Variants in RYR3 observed in about 807,000 individuals in gnomAD.
RYR3 encodes the protein ryanodine receptor 3, also known as brain ryanodine receptor-calcium release channel.
In RYR3, 207 loss-of-function variants were observed where a neutral mutation model predicts 584.3. The observed-to-expected ratio is 0.35, with a 90% CI of 0.32 to 0.40. The LOEUF is 0.40. Ranked by LOEUF, RYR3 falls within the 10% of genes least tolerant of loss-of-function variation. The pLI, the probability that RYR3 is intolerant of heterozygous loss-of-function variation, is 1.00. For synonymous variants in RYR3, 2,416 were observed against 2,248.5 expected, an observed-to-expected ratio of 1.07 and a Z score of -2.11; for missense variants, 5,616 against 6,089.2, an observed-to-expected ratio of 0.92 and a Z score of 2.59.
At chr15:33,609,929 T>C (rs1440807077) in intron 18 of RYR3, among the ~76,000 whole-genome samples, 1 of 152,168 alleles carries the variant, frequency 6.6e-6, no homozygotes, top group African/African-American at 2.4e-5. Context: ...TCTTCAACTT[T>C]GGTTCAGTTT....
chr15:33,709,215 A>AC (rs1370749318), intron 43 of RYR3, among the ~76,000 whole-genome samples: 1 of 152,236 alleles, frequency 6.6e-6, no homozygotes, highest in Non-Finnish European at 1.5e-5. Flanking sequence ...GGGAGCAGAC[A>AC]TGGACAGAGA....
intron 1 of RYR3, among the ~76,000 whole-genome samples, chr15:33,419,884 C>T (rs965497951): frequency 6.6e-6 from 1 of 152,142 alleles, no homozygotes; most frequent in Non-Finnish European, 1.5e-5. Flanking sequence ...CAGGCATCTG[C>T]AGTACAAGGA....
At chr15:33,344,757 T>A (rs1010852694) in intron 1 of RYR3, among the ~76,000 whole-genome samples, 1 of 152,168 alleles carries the variant, frequency 6.6e-6, no homozygotes, top group African/African-American at 2.4e-5. Context: ...TAAAAATGAG[T>A]TATCACTGCT....
intron 27 of RYR3, among the ~76,000 whole-genome samples, chr15:33,637,355 A>G (rs959805899): frequency 5.9e-5 from 9 of 152,346 alleles, no homozygotes; most frequent in Non-Finnish European, 1.2e-4. Context: ...TTCTTCCCAG[A>G]TATAAAATTC....
chr15:33,515,869 TAACA>T (rs2053472422), intron 3 of RYR3, among the ~76,000 whole-genome samples: 2 of 152,250 alleles, frequency 1.3e-5, no homozygotes, highest in African/African-American at 2.4e-5. Context: ...TTAATGCTAT[TAACA>T]AACCTTAGTA....
At chr15:33,474,565 T>G (rs1053054223) in intron 2 of RYR3, among the ~76,000 whole-genome samples, 3 of 152,210 alleles carry the variant, frequency 2.0e-5, no homozygotes, top group Admixed American at 2.0e-4. Context: ...TAATTACATC[T>G]ACAAAATACC....
chr15:33,808,136 T>C (rs559423683), intron 70 of RYR3, among the ~76,000 whole-genome samples: 5 of 152,280 alleles, frequency 3.3e-5, no homozygotes, highest in Admixed American at 1.3e-4. Flanking sequence ...CTCTACACTA[T>C]GCAGTGAAGA....
intron 1 of RYR3, among the ~76,000 whole-genome samples, chr15:33,419,141 GA>G (rs1214342230): frequency 1.3e-5 from 2 of 152,134 alleles, no homozygotes; most frequent in Non-Finnish European, 2.9e-5. Context: ...AGGGAATAAT[GA>G]ATGGGAAAAG....
At chr15:33,746,907 C>T (rs2070780572) in intron 53 of RYR3, among the ~76,000 whole-genome samples, 1 of 149,266 alleles carries the variant, frequency 6.7e-6, no homozygotes, top group African/African-American at 2.5e-5. Context: ...CTTCCGGGCT[C>T]AAGTGATCCT....
intron 1 of RYR3, among the ~76,000 whole-genome samples, chr15:33,360,612 A>T (rs1050927808): frequency 6.6e-6 from 1 of 152,188 alleles, no homozygotes; most frequent in African/African-American, 2.4e-5. Flanking sequence ...GAAGACACAC[A>T]TTTTCATTTC....
At position 33,852,939 on chromosome 15, in the gene RYR3, C is replaced by G. The variant is rs2079257148; in HGVS notation, c.13629-106C>G. ...TTAAAATTCTTTGGTGAGCAGGACA[C>G]AAACCAGAAAGATCCCAGATCCAGG... On this transcript the variant is annotated intron_variant, in intron 94 of 103. Coordinates refer to ENST00000634891, the MANE Select transcript of RYR3 (RefSeq NM_001036.6). 4.1e-6 allele frequency: 4 copies of G among 983,920 alleles called. No individual in the cohort carries two copies. In the South Asian group the frequency reaches 5.8e-5, roughly 14 times the overall value. The allele number at this position is 983,920 out of a possible 1,614,324, so 60.9% of individuals were successfully genotyped here.
At chr15:33,431,354 A>G (rs2045127603) in intron 1 of RYR3, among the ~76,000 whole-genome samples, 2 of 152,252 alleles carry the variant, frequency 1.3e-5, no homozygotes, top group African/African-American at 4.8e-5. Context: ...CATACCTTTT[A>G]TGAGATACCA....
intron 3 of RYR3, among the ~76,000 whole-genome samples, chr15:33,512,619 A>T (rs1426928793): frequency 6.6e-6 from 1 of 152,224 alleles, no homozygotes; most frequent in African/African-American, 2.4e-5. Flanking sequence ...ATGTGTTAAC[A>T]TTTAGCTTTG....
At chr15:33,784,237 G>A (rs1272414049) in intron 65 of RYR3, among the ~76,000 whole-genome samples, 2 of 152,226 alleles carry the variant, frequency 1.3e-5, no homozygotes, top group African/African-American at 2.4e-5. Flanking sequence ...ATAACCATGA[G>A]AGAAATTGAG....
At chr15:33,731,333 G>A (rs986638894) in intron 47 of RYR3, 141 bp from the exon 48 acceptor site, 10 of 581,148 alleles carry the variant, frequency 1.7e-5, no homozygotes, top group African/African-American at 1.5e-4. Flanking sequence ...CTGCCGATAA[G>A]GTAGAAAGTT....
chr15:33,721,942 A>T (rs1220942252), intron 43 of RYR3, among the ~76,000 whole-genome samples: 2 of 152,206 alleles, frequency 1.3e-5, no homozygotes, highest in African/African-American at 4.8e-5. Context: ...ATGCCACAGA[A>T]TACAATTCTC....
intron 1 of RYR3, among the ~76,000 whole-genome samples, chr15:33,460,084 C>A (rs2047892849): frequency 6.6e-6 from 1 of 152,086 alleles, no homozygotes; most frequent in South Asian, 2.1e-4. Flanking sequence ...ATTTTCTGAG[C>A]CTGTTGTTAG....
chr15:33,780,045 A>G (rs2074288771), intron 64 of RYR3, among the ~76,000 whole-genome samples, 166 bp from the exon 65 acceptor site: 1 of 152,108 alleles, frequency 6.6e-6, no homozygotes, highest in Non-Finnish European at 1.5e-5. Context: ...CAGTGAGAGC[A>G]TTGGTTAGTG....
chr15:33,593,360 A>G (rs2059226204), intron 16 of RYR3, among the ~76,000 whole-genome samples: 1 of 152,214 alleles, frequency 6.6e-6, no homozygotes, highest in Admixed American at 6.5e-5. Context: ...GTTTATTCCT[A>G]GATGGGTAGG....
Sources: gnomAD v4.1 joint callset for allele counts (sites outside exome capture counted in the v4.1 genomes callset) on GRCh38, gnomAD v4.1.1 for gene constraint, MANE v1.5 for transcripts, NCBI Gene and HGNC (gene_info 2026-07-23, HGNC 2026-07-21) for gene names.